SPECC1: variants seen among roughly 807,000 people sequenced by gnomAD.
The protein encoded by SPECC1 is sperm antigen with calponin homology and coiled-coil domains 1.
A neutral mutation model predicts 104.1 loss-of-function variants in SPECC1; 62 were observed. The ratio of observed to expected loss-of-function variants is 0.60; its 90% CI spans 0.49 to 0.74. The LOEUF is 0.74. Ranked by LOEUF, SPECC1 falls within the 30% of genes least tolerant of loss-of-function variation. SPECC1 has a pLI of 0.00. For synonymous variants in SPECC1, 513 were observed against 501.6 expected (o/e 1.02, Z -0.30); for missense variants, 1,306 against 1,310.5 (o/e 1.00, Z 0.05).
chr17:20,266,716 G>C (rs528962744), intron 12 of SPECC1, among the ~76,000 whole-genome samples: 1 of 152,158 alleles, frequency 6.6e-6, no homozygotes, highest in Middle Eastern at 3.2e-3. Flanking sequence ...ACATATGTAC[G>C]GTATTTGAAG....
At position 20,313,984 on chromosome 17, in the gene SPECC1, C is replaced by T. The variant is rs377241463; in HGVS notation, c.3126C>T (p.Ser1042=). 13 of 1,614,066 alleles carry T rather than the reference C, an allele frequency of 8.1e-6. No homozygotes were observed. The highest frequency in any genetic ancestry group is 1.1e-5 in the South Asian group (1 of 91,044). ...ATTCCCTTCCCCTGCAGGAACTCAG[C>T]GAGATGCTGTACACAGACCGGCCCG... The part of the protein sequence containing the change: ...SVGIKPSLEL[S]EMLYTDRPDW... The change falls in exon 15 of 15, where the codon AGC becomes AGT. Residue 1042 remains serine (S), a synonymous_variant. Transcript: ENST00000395527.
At chr17:20,207,234 T>G (rs1437873643) in intron 4 of SPECC1, among the ~76,000 whole-genome samples, 1 of 152,234 alleles carries the variant, frequency 6.6e-6, no homozygotes, top group Non-Finnish European at 1.5e-5. Context: ...TCGTCTGTCT[T>G]AAGATGAGTC....
intron 3 of SPECC1, among the ~76,000 whole-genome samples, chr17:20,134,139 T>C (rs944036103): frequency 4.7e-5 from 7 of 150,068 alleles, no homozygotes; most frequent in Non-Finnish European, 7.4e-5. Context: ...TAGTATAAAA[T>C]ATATATTATA....
In SPECC1 at chr17:20,236,141, C is replaced by T. The variant is rs925760476; in HGVS notation, c.2351+3736C>T. 5.3e-5 allele frequency among the ~76,000 whole-genome samples: 8 copies of T among 152,248 alleles called. No homozygotes were observed. In the South Asian group the frequency reaches 1.2e-3, roughly 24 times the overall value. On this transcript the variant is annotated intron_variant, in intron 7 of 14. Transcript: ENST00000395527. ...CCACAGATGCTCTGATACTGAGCCC[C>T]TCTCCCAGGTGGAGGGGGGCTGTTC...
intron 3 of SPECC1, chr17:20,185,129 G>A (rs1037946090): frequency 6.6e-6 from 1 of 152,264 alleles, no homozygotes; most frequent in African/African-American, 2.4e-5. Context: ...TGGGTTTTGA[G>A]ATAAAAATCT....
chr17:20,033,808 CCAAA>C, intron 1 of SPECC1, among the ~76,000 whole-genome samples: 1 of 152,116 alleles, frequency 6.6e-6, no homozygotes, highest in East Asian at 1.9e-4. Flanking sequence ...CTCGGTGGGG[CCAAA>C]CAAACCATAT....
intron 7 of SPECC1, among the ~76,000 whole-genome samples, chr17:20,234,807 GCA>G (rs1414562562): frequency 1.8e-4 from 27 of 152,234 alleles, no homozygotes; most frequent in African/African-American, 6.0e-4. Context: ...ACGAGATGAA[GCA>G]CCTGGGCAGA....
At chr17:20,172,024 T>C (rs1183389954) in intron 3 of SPECC1, among the ~76,000 whole-genome samples, 1 of 152,200 alleles carries the variant, frequency 6.6e-6, no homozygotes, top group African/African-American at 2.4e-5. Context: ...ATTTTGAGCT[T>C]CTCTGGAGCT....
At chr17:20,164,548 C>G (rs1389412333) in intron 3 of SPECC1, among the ~76,000 whole-genome samples, 1 of 151,848 alleles carries the variant, frequency 6.6e-6, no homozygotes, top group East Asian at 1.9e-4. Context: ...GGATTCTTAC[C>G]CTACCCAGAC....
chr17:20,021,202 G>A (rs916831619), intron 1 of SPECC1, among the ~76,000 whole-genome samples: 2 of 152,094 alleles, frequency 1.3e-5, no homozygotes, highest in Non-Finnish European at 2.9e-5. Context: ...TTGCTGTCTT[G>A]GGGGTAGCAG....
intron 3 of SPECC1, among the ~76,000 whole-genome samples, chr17:20,157,462 A>C (rs953005270): frequency 6.6e-6 from 1 of 152,236 alleles, no homozygotes; most frequent in African/African-American, 2.4e-5. Context: ...ATAAAATGAA[A>C]TATGCATAAA....
At chr17:20,273,566 T>G (rs1367381524) in intron 12 of SPECC1, among the ~76,000 whole-genome samples, 3 of 152,132 alleles carry the variant, frequency 2.0e-5, no homozygotes, top group Non-Finnish European at 4.4e-5. Context: ...CACTCATGCC[T>G]CCACTGCTCA....
intron 4 of SPECC1, among the ~76,000 whole-genome samples, chr17:20,213,877 A>AT (rs11366612): frequency 1.3e-5 from 2 of 151,300 alleles, no homozygotes; most frequent in Non-Finnish European, 3.0e-5. Flanking sequence ...TCTCTGAAGA[A>AT]TTTTTTTTTT....
At chr17:20,177,381 A>T (rs1193838734) in intron 3 of SPECC1, among the ~76,000 whole-genome samples, 1 of 152,186 alleles carries the variant, frequency 6.6e-6, no homozygotes, top group Non-Finnish European at 1.5e-5. Flanking sequence ...TGATTGTGTA[A>T]GTAGTTTTCT....
intron 3 of SPECC1, among the ~76,000 whole-genome samples, chr17:20,157,956 GC>G (rs2032755435): frequency 6.6e-6 from 1 of 152,184 alleles, no homozygotes; most frequent in South Asian, 2.1e-4. Context: ...ATGCCACCTT[GC>G]CTGGCTAGAA....
In SPECC1 at chr17:20,096,752, G is replaced by A. The variant is rs371939616; in HGVS notation, c.101G>A (p.Ser34Asn). 8 of 1,614,176 alleles carry A rather than the reference G, an allele frequency of 5.0e-6. No individual in the cohort carries two copies. Among genetic ancestry groups the A allele is most frequent in the Non-Finnish European group, 6.8e-6 (8 of 1,180,012 alleles). Reference protein sequence around the residue: ...PLPAASSGMKSSKSSTSLAFE... With the variant: ...PLPAASSGMKNSKSSTSLAFE... ...CCTGCAGCCTCTTCCGGCATGAAGAGTTCTAAGTCTTCAACTTCCTTGGCT... is the reference window on the plus strand; with the variant it reads ...CCTGCAGCCTCTTCCGGCATGAAGAATTCTAAGTCTTCAACTTCCTTGGCT... The change falls in exon 2 of 15, where the codon AGT becomes AAT. Residue 34 changes from serine (S) to asparagine (N), a missense_variant. This residue lies in a region of SPECC1 where 1,177 missense variants were observed against 1,139.9 expected (regional missense o/e 1.03). Transcript: ENST00000395527.
chr17:20,294,891 T>C (rs115819408), intron 12 of SPECC1, among the ~76,000 whole-genome samples: 2 of 152,164 alleles, frequency 1.3e-5, no homozygotes, highest in Non-Finnish European at 2.9e-5. Flanking sequence ...CTCAATACTA[T>C]TCTGTGAATG....
At chr17:20,295,322 CA>C (rs1567614501) in intron 12 of SPECC1, among the ~76,000 whole-genome samples, 1 of 152,032 alleles carries the variant, frequency 6.6e-6, no homozygotes, top group Non-Finnish European at 1.5e-5. Flanking sequence ...TTTCCAGCTT[CA>C]TCCATGTCCC....
chr17:20,097,273 C>T (rs1298574360), intron 2 of SPECC1, among the ~76,000 whole-genome samples: 2 of 152,206 alleles, frequency 1.3e-5, no homozygotes, highest in African/African-American at 2.4e-5. Context: ...TGGGTGGGCC[C>T]ATGCCACATT....
Sources: allele counts gnomAD v4.1 joint callset (sites outside exome capture counted in the v4.1 genomes callset), GRCh38; gene constraint gnomAD v4.1.1; regional missense constraint gnomAD v4.1.1; transcripts MANE v1.5; gene names NCBI Gene and HGNC (gene_info 2026-07-23, HGNC 2026-07-21).